CTSZ: variants seen among roughly 807,000 people sequenced by gnomAD.
CTSZ encodes the protein carboxypeptidase LB.
CTSZ carries 39 observed loss-of-function variants against 32.4 expected under a neutral mutation model. That is an observed-to-expected ratio of 1.20 (90% CI 0.93 to 1.57). CTSZ has a LOEUF of 1.57. Among genes scored for constraint, CTSZ ranks in the 40% most tolerant of loss-of-function variants. CTSZ has a pLI of 0.00. For missense variants in CTSZ, 397 were observed against 419.6 expected, an observed-to-expected ratio of 0.95 and a Z score of 0.47; for synonymous variants, 168 against 170.1, an observed-to-expected ratio of 0.99 and a Z score of 0.10.
chr20:59,006,839 GAGA>G (rs1164739162), intron 1 of CTSZ, 144 bp downstream of exon 1: 1 of 707,202 alleles, frequency 1.4e-6, no homozygotes, highest in Non-Finnish European at 2.1e-6. Flanking sequence ...GGATGTGGAA[GAGA>G]AGGAGCGACC....
rs1032542698 is a variant in CTSZ, at chr20:59,002,207, C to T, written c.308-563G>A. On this transcript the variant is annotated intron_variant, in intron 2 of 5. Transcript: ENST00000217131. This position sits in a 1 kb window ranked among gnomAD's most constrained non-coding sequence, Gnocchi z 4.1. ...ACTGGGGGATGCAGAGGGCTCCCAG[C>T]GGCTGGCTGACCATGCCCTCACTGC... Among the ~76,000 whole-genome samples, 7 of 152,216 alleles carry T rather than the reference C, an allele frequency of 4.6e-5. No individual in the cohort carries two copies. Among genetic ancestry groups the T allele is most frequent in the Admixed American group, 6.5e-5 (1 of 15,292 alleles).
chr20:59,000,828 ATTTTTT>A (rs575057726), intron 3 of CTSZ, among the ~76,000 whole-genome samples: 6 of 133,308 alleles, frequency 4.5e-5, no homozygotes, highest in Non-Finnish European at 9.6e-5. Context: ...CAGGGCCGGT[ATTTTTT>A]TTTTTTTTTT....
At position 59,000,302 on chromosome 20, in the gene CTSZ, C is replaced by T. The variant is rs10427474; in HGVS notation, c.487+1163G>A. 7.8e-3 allele frequency among the ~76,000 whole-genome samples: 1,183 copies of T among 152,336 alleles called. 19 individuals carry two copies. The highest frequency in any genetic ancestry group is 0.027 in the African/African-American group (1,120 of 41,578). ...CTGAGGCAGGAGAATCACTCAAACC[C>T]GGGAGGCGGAGGTTGCAGTGAGCAG... On this transcript the variant is annotated intron_variant, in intron 3 of 5. Transcript: ENST00000217131.
At chr20:58,999,653 A>G (rs1324123189) in intron 3 of CTSZ, among the ~76,000 whole-genome samples, 1 of 152,240 alleles carries the variant, frequency 6.6e-6, no homozygotes, top group Non-Finnish European at 1.5e-5. Context: ...TTCAGAGTGC[A>G]CAGGGCGCTG....
rs1205906076 is a variant in CTSZ at position 59,004,563 on chromosome 20, C to G, written c.307+1759G>C. ...TTCCCTAGGGAGCCCAGAATTGGGG[C>G]GGGGTGGGGCCGGGGGCTTTGTGTT... On this transcript the variant is annotated intron_variant, in intron 2 of 5. Coordinates refer to ENST00000217131, the MANE Select transcript of CTSZ (RefSeq NM_001336.4). The surrounding 1 kb of genome is among the most constrained non-coding windows in gnomAD (Gnocchi z 5.6). 1.4e-5 allele frequency among the ~76,000 whole-genome samples: 2 copies of G among 146,202 alleles called. No individual in the cohort carries two copies. Among genetic ancestry groups the G allele is most frequent in the South Asian group, 2.4e-4 (1 of 4,164 alleles).
intron 1 of CTSZ, 22 bp from the exon 2 acceptor site, chr20:59,006,507 C>G: frequency 6.3e-7 from 1 of 1,599,662 alleles, no homozygotes; most frequent in Non-Finnish European, 8.5e-7. Context: ...TCATCCCCAC[C>G]CAGATCGGTG....
chr20:59,003,907 T>A (rs572909576), intron 2 of CTSZ, among the ~76,000 whole-genome samples: 122 of 152,204 alleles, frequency 8.0e-4, no homozygotes, highest in African/African-American at 2.7e-3. Context: ...TTCTGATGGG[T>A]TGTCACAGGC....
intron 2 of CTSZ, among the ~76,000 whole-genome samples, chr20:59,001,948 A>C (rs952490333): frequency 6.6e-6 from 1 of 152,254 alleles, no homozygotes; most frequent in African/African-American, 2.4e-5. Flanking sequence ...CCCTGCAGAC[A>C]CCTGAGAAGT....
At chr20:59,000,540 G>A (rs1353286075) in intron 3 of CTSZ, among the ~76,000 whole-genome samples, 1 of 152,192 alleles carries the variant, frequency 6.6e-6, no homozygotes, top group Non-Finnish European at 1.5e-5. Flanking sequence ...CCCCTTGGCC[G>A]TAGCCGCACC....
rs1174256225 is a variant in CTSZ, at chr20:59,004,945, A to G, written c.307+1377T>C. 6.6e-6 allele frequency among the ~76,000 whole-genome samples: 1 copy of G among 152,064 alleles called. No individual in the cohort carries two copies. The highest frequency in any genetic ancestry group is 1.5e-5 in the Non-Finnish European group (1 of 67,990). ...TCTACCCGCAGTCCTTCACAGACGC[A>G]CATCTTGTCACCTGACTCCCTCTCA... On this transcript the variant is annotated intron_variant, in intron 2 of 5. Coordinates refer to ENST00000217131, the MANE Select transcript of CTSZ (RefSeq NM_001336.4). The surrounding 1 kb of genome is among the most constrained non-coding windows in gnomAD (Gnocchi z 5.6).
chr20:59,004,773 C>T lies in CTSZ; in HGVS notation c.307+1549G>A, dbSNP rs977532992. On this transcript the variant is annotated intron_variant, in intron 2 of 5. Coordinates refer to ENST00000217131, the MANE Select transcript of CTSZ (RefSeq NM_001336.4). The surrounding 1 kb of genome is among the most constrained non-coding windows in gnomAD (Gnocchi z 5.6). Reference sequence around the variant, plus strand: ...TTCTATTCCTCAGTGAAAGAGGAAGCGAGTGCCTGGGCCTGGGTGCGCTGA... The same window carrying T: ...TTCTATTCCTCAGTGAAAGAGGAAGTGAGTGCCTGGGCCTGGGTGCGCTGA... 2.8e-4 allele frequency among the ~76,000 whole-genome samples: 42 copies of T among 152,124 alleles called. No homozygotes were observed. The highest frequency in any genetic ancestry group is 8.4e-4 in the African/African-American group (35 of 41,492).
rs2091912704 is a variant in CTSZ, at chr20:59,007,152, C to G, written c.-24G>C. The stretch of plus-strand genomic sequence containing the variant: ...ATGGCCCCGCGCCGGCTCCTGGGTC[C>G]CGCTCCGGATCCCGCTCCGAGTCCC... On this transcript the variant is annotated 5_prime_UTR_variant, in exon 1 of 6. Coordinates refer to ENST00000217131, the MANE Select transcript of CTSZ (RefSeq NM_001336.4). The G allele has an allele frequency of 7.5e-7, 1 of 1,325,340 alleles. No homozygotes were observed. Among genetic ancestry groups the G allele is most frequent in the Admixed American group, 4.1e-5 (1 of 24,142 alleles). The allele number at this position is 1,325,340 out of a possible 1,614,324, so 82.1% of individuals were successfully genotyped here. A position where few individuals can be genotyped will look rare whatever the true frequency, so the allele number is the denominator to read the frequency against.
intron 4 of CTSZ, 135 bp downstream of exon 4, chr20:58,997,468 T>C: frequency 1.3e-6 from 1 of 784,068 alleles, no homozygotes; most frequent in Non-Finnish European, 1.8e-6. Context: ...AGGACGGAGA[T>C]GCCTACATGA....
rs995581034 is a variant in CTSZ, at chr20:59,006,475, G to C, written c.154C>G (p.Arg52Gly). 1.2e-6 allele frequency: 2 copies of C among 1,612,154 alleles called. No individual in the cohort carries two copies. Among genetic ancestry groups the C allele is most frequent in the Admixed American group, 3.3e-5 (2 of 59,992 alleles). ...LAPLGRSTYP[R>G]PHEYLSPADL... ...GCTGGGGACAGGTACTCATGAGGCC[G>C]GGGGTATGTGCTGAGAAGAGATCAT... The change falls in exon 2 of 6, where the codon CGG (arginine) becomes GGG (glycine). Residue 52 changes from arginine to glycine, a missense_variant. Coordinates refer to ENST00000217131, the MANE Select transcript of CTSZ (RefSeq NM_001336.4).
At chr20:58,996,308 C>A (rs1392366136) in intron 5 of CTSZ, among the ~76,000 whole-genome samples, 2 of 152,218 alleles carry the variant, frequency 1.3e-5, no homozygotes, top group Non-Finnish European at 2.9e-5. Flanking sequence ...GGCAGAGCCC[C>A]TCTCCAGCAG....
intron 4 of CTSZ, 40 bp downstream of exon 4, chr20:58,997,563 C>T: frequency 2.0e-6 from 3 of 1,501,162 alleles, no homozygotes; most frequent in Non-Finnish European, 2.7e-6. Flanking sequence ...GACCTTTCCT[C>T]ACCCGCAAAC....
At chr20:58,998,843 T>G (rs1439019080) in intron 3 of CTSZ, among the ~76,000 whole-genome samples, 1 of 152,242 alleles carries the variant, frequency 6.6e-6, no homozygotes, top group Non-Finnish European at 1.5e-5. Context: ...GACCTGTCTG[T>G]CATAGTTACA....
At position 58,997,749 on chromosome 20, in the gene CTSZ, A is replaced by T. The variant is rs964803361; in HGVS notation, c.492T>A (p.Cys164Ter). 2 of 1,604,014 alleles carry T rather than the reference A, an allele frequency of 1.2e-6. No individual in the cohort carries two copies. The highest frequency in any genetic ancestry group is 1.1e-5 in the South Asian group (1 of 88,774). Reference protein sequence around the residue: ...CNNYQAKDQECDKFNQCGTCN... With the variant: ...CNNYQAKDQE The stretch of plus-strand genomic sequence containing the variant: ...ATGTCCCACATTGGTTAAACTTGTC[A>T]CACTCTGGGGGAGAGCAAGAAAAGT... Residue 164 changes from cysteine (C) to a stop codon, truncating the protein, a stop_gained, in exon 4 of 6, where the codon TGT becomes TGA. Transcript: ENST00000217131. LOFTEE classifies it high-confidence loss of function.
Position 59,001,643 on chromosome 20 carries a change from A to G in CTSZ, c.309T>C (p.Asp103=). The change falls in exon 3 of 6, where the codon GAT becomes GAC. Residue 103 remains aspartate (D), a splice_region_variant and synonymous_variant. Coordinates refer to ENST00000217131, the MANE Select transcript of CTSZ (RefSeq NM_001336.4). ...CTCCCTTCCTCTTGATGTTGATCCG[A>G]TCTGCAACAGTCAGCACCTGCCAGT... ...WAHASTSAMA[D]RINIKRKGAW... The G allele has an allele frequency of 6.2e-7, 1 of 1,612,872 alleles. No homozygotes were observed. The highest frequency in any genetic ancestry group is 8.5e-7 in the Non-Finnish European group (1 of 1,179,212).
Sources: allele counts gnomAD v4.1 joint callset (sites outside exome capture counted in the v4.1 genomes callset), GRCh38; gene constraint gnomAD v4.1.1; non-coding constraint Gnocchi (gnomAD v3.1); transcripts MANE v1.5; gene names NCBI Gene and HGNC (gene_info 2026-07-23, HGNC 2026-07-21).